SYNPO2: variants seen among roughly 807,000 people sequenced by gnomAD.
SYNPO2 encodes synaptopodin 2, also known as synaptopodin-2.
SYNPO2 carries 56 observed loss-of-function variants against 85.0 expected under a neutral mutation model. That is an observed-to-expected ratio of 0.66 (90% confidence interval 0.53 to 0.82). SYNPO2 has a LOEUF of 0.82. Among genes scored for constraint, SYNPO2 ranks in the 40% least tolerant of loss-of-function variants. SYNPO2 has a pLI of 0.00. For synonymous variants in SYNPO2, 602 were observed against 591.1 expected, an observed-to-expected ratio of 1.02 and a Z score of -0.27; for missense variants, 1,575 against 1,534.2, an observed-to-expected ratio of 1.03 and a Z score of -0.44.
chr4:119,038,647 A>G (rs937206758), intron 4 of SYNPO2: 1 of 832,028 alleles, frequency 1.2e-6, no homozygotes, highest in Non-Finnish European at 1.4e-6. Context: ...CATTTCAACA[A>G]GAATAATTCT....
chr4:118,990,703 G>T (rs189618373), intron 1 of SYNPO2, among the ~76,000 whole-genome samples: 1 of 152,284 alleles, frequency 6.6e-6, no homozygotes, highest in Admixed American at 6.5e-5. Context: ...CTGCCTCCCG[G>T]GTTCAAGCGA....
intron 1 of SYNPO2, among the ~76,000 whole-genome samples, chr4:118,994,327 C>T (rs1736511989): frequency 6.6e-6 from 1 of 152,234 alleles, no homozygotes; most frequent in Non-Finnish European, 1.5e-5. Context: ...CATGTGACCA[C>T]TGAACATCTT....
chr4:118,952,179 A>G (rs1734724188), intron 1 of SYNPO2, among the ~76,000 whole-genome samples: 1 of 152,210 alleles, frequency 6.6e-6, no homozygotes, highest in Non-Finnish European at 1.5e-5. Context: ...TACTTTGAAG[A>G]TTATTGTGAA....
intron 1 of SYNPO2, among the ~76,000 whole-genome samples, chr4:118,981,675 T>C (rs1386627053): frequency 6.6e-6 from 1 of 152,170 alleles, no homozygotes; most frequent in Non-Finnish European, 1.5e-5. Flanking sequence ...GTTCAACTCA[T>C]AGCCCACCCT....
chr4:118,913,664 T>G (rs1733214564), intron 1 of SYNPO2, among the ~76,000 whole-genome samples: 1 of 151,974 alleles, frequency 6.6e-6, no homozygotes, highest in South Asian at 2.1e-4. Flanking sequence ...TTCCATAGTT[T>G]GTGTGAGGTC....
intron 1 of SYNPO2, among the ~76,000 whole-genome samples, chr4:118,894,839 A>T (rs926818568): frequency 4.9e-4 from 62 of 125,688 alleles, no homozygotes; most frequent in Non-Finnish European, 1.0e-3. Context: ...TCACATTTTA[A>T]AAAAAAAAAA....
At chr4:118,910,889 A>C (rs183345467) in intron 1 of SYNPO2, among the ~76,000 whole-genome samples, 3 of 152,234 alleles carry the variant, frequency 2.0e-5, no homozygotes, top group African/African-American at 7.2e-5. Flanking sequence ...CTCCTCTCCC[A>C]ACAAAACATG....
At chr4:118,949,429 A>G (rs1734620908) in intron 1 of SYNPO2, among the ~76,000 whole-genome samples, 1 of 152,142 alleles carries the variant, frequency 6.6e-6, no homozygotes, top group African/African-American at 2.4e-5. Context: ...AGGTATTGGT[A>G]GAGAAAAATA....
At position 119,031,202 on chromosome 4, in the gene SYNPO2, C is replaced by T. The variant is rs138266651; in HGVS notation, c.2427C>T (p.Ala809=). Residue 809 remains alanine (A), a synonymous_variant, in exon 4 of 5, where the codon GCC becomes GCT. Coordinates refer to ENST00000307142, the MANE Select transcript of SYNPO2 (RefSeq NM_133477.3). ...CCGTTGTCTCCTCCATCAAAATAGC[C>T]CAGCCTTCTTACCCTCCTGCCCGGC... ...KGTVVSSIKI[A]QPSYPPARPA... is the part of the protein sequence containing the mutation. The T allele has an allele frequency of 3.6e-5, 58 of 1,614,142 alleles. No individual in the cohort carries two copies. In the Middle Eastern group the frequency reaches 8.2e-4, roughly 23 times the overall value.
intron 1 of SYNPO2, among the ~76,000 whole-genome samples, chr4:118,939,966 C>T (rs4834725): frequency 0.86 from 128,183 of 148,794 alleles, 55,419 homozygotes; most frequent in South Asian, 0.94. Flanking sequence ...CCTTTTAGCC[C>T]TTTCTCTCTT....
chr4:118,868,306 G>A (rs544280630), intron 1 of SYNPO2, among the ~76,000 whole-genome samples: 13 of 151,914 alleles, frequency 8.6e-5, no homozygotes, highest in Non-Finnish European at 1.6e-4. Flanking sequence ...AAGAAACAAC[G>A]TATCTCACAT....
chr4:118,878,404 T>G (rs940612582), intron 1 of SYNPO2, among the ~76,000 whole-genome samples: 1 of 152,184 alleles, frequency 6.6e-6, no homozygotes. Flanking sequence ...AATATTATTT[T>G]ATCACTTAAA....
intron 2 of SYNPO2, among the ~76,000 whole-genome samples, chr4:119,025,590 T>C (rs1287550046): frequency 6.6e-6 from 1 of 152,108 alleles, no homozygotes; most frequent in African/African-American, 2.4e-5. Flanking sequence ...GTAAATTCCT[T>C]TGAGTAGAAT....
upstream of SYNPO2, among the ~76,000 whole-genome samples, chr4:118,885,512 G>A (rs1732183309): frequency 7.1e-6 from 1 of 141,148 alleles, no homozygotes; most frequent in African/African-American, 2.6e-5. Flanking sequence ...TTGCTCTATT[G>A]CCCAGGCTGG....
chr4:119,030,386 A>C lies in SYNPO2; in HGVS notation c.1611A>C (p.Gln537His). 6.2e-7 allele frequency: 1 copy of C among 1,614,152 alleles called. No homozygotes were observed. The highest frequency in any genetic ancestry group is 8.5e-7 in the Non-Finnish European group (1 of 1,180,032). The part of the protein sequence containing the change: ...TDGLRTTTSY[Q>H]RKEEESVRTQ... ...GCCTGAGAACCACGACTTCTTACCAAAGAAAGGAGGAAGAGTCGGTAAGAA... is the reference window on the plus strand; with the variant it reads ...GCCTGAGAACCACGACTTCTTACCACAGAAAGGAGGAAGAGTCGGTAAGAA... The change falls in exon 4 of 5, where the codon CAA (glutamine) becomes CAC (histidine). Residue 537 changes from glutamine (Q) to histidine (H), a missense_variant. Physicochemically the swap from Gln to His is conservative, Grantham distance 24. Coordinates refer to ENST00000307142, the MANE Select transcript of SYNPO2 (RefSeq NM_133477.3).
chr4:118,923,189 T>C (rs1021719783), intron 1 of SYNPO2, among the ~76,000 whole-genome samples: 2 of 152,106 alleles, frequency 1.3e-5, no homozygotes, highest in South Asian at 2.1e-4. Context: ...GTGGTACATA[T>C]ACACCATGGA....
intron 1 of SYNPO2, among the ~76,000 whole-genome samples, chr4:118,974,544 T>C (rs1735652735): frequency 6.6e-6 from 1 of 152,244 alleles, no homozygotes. Flanking sequence ...ATTTGTCTTC[T>C]AGTCTTAATT....
chr4:118,994,139 G>A (rs554086667), intron 1 of SYNPO2, among the ~76,000 whole-genome samples: 1 of 152,366 alleles, frequency 6.6e-6, no homozygotes, highest in South Asian at 2.1e-4. Context: ...TCTCCAACGT[G>A]TGGCCTCCTA....
intron 1 of SYNPO2, among the ~76,000 whole-genome samples, chr4:118,963,926 G>A (rs937551218): frequency 6.6e-5 from 10 of 152,066 alleles, no homozygotes; most frequent in African/African-American, 1.9e-4. Flanking sequence ...GTCTGTCCTC[G>A]AAATGCAATC....
Sources: allele counts gnomAD v4.1 joint callset (sites outside exome capture counted in the v4.1 genomes callset), GRCh38; gene constraint gnomAD v4.1.1; transcripts MANE v1.5; gene names NCBI Gene and HGNC (gene_info 2026-07-23, HGNC 2026-07-21).